MYO16: variants seen among roughly 807,000 people sequenced by gnomAD.
MYO16 encodes unconventional myosin-XVI.
A neutral mutation model predicts 205.3 loss-of-function variants in MYO16; 94 were observed. The observed-to-expected ratio is 0.46, with a 90% confidence interval of 0.39 to 0.54. The LOEUF is 0.54. MYO16 is among the 20% of genes least tolerant of loss of function. MYO16 has a pLI of 0.00. For missense variants in MYO16, 2,315 were observed against 2,387.5 expected, an observed-to-expected ratio of 0.97 and a Z score of 0.63; for synonymous variants, 988 against 954.0, an observed-to-expected ratio of 1.04 and a Z score of -0.66.
At chr13:108,927,887 C>G (rs955706426) in intron 16 of MYO16, among the ~76,000 whole-genome samples, 1 of 152,236 alleles carries the variant, frequency 6.6e-6, no homozygotes, top group African/African-American at 2.4e-5. Flanking sequence ...TGCACCTGGC[C>G]TGGAGCCTGA....
At chr13:109,108,800 G>C (rs1421939319) in intron 28 of MYO16, among the ~76,000 whole-genome samples, 1 of 152,152 alleles carries the variant, frequency 6.6e-6, no homozygotes, top group Non-Finnish European at 1.5e-5. Flanking sequence ...GTGAGAAGGA[G>C]CTGGGGACGT....
chr13:108,822,250 C>A (rs1182127604), intron 8 of MYO16, among the ~76,000 whole-genome samples: 1 of 152,124 alleles, frequency 6.6e-6, no homozygotes, highest in Non-Finnish European at 1.5e-5. Flanking sequence ...GAAAGCTGAG[C>A]ACTCACCTAC....
intron 6 of MYO16, among the ~76,000 whole-genome samples, chr13:108,797,962 T>A (rs1355187876): frequency 6.6e-6 from 1 of 152,248 alleles, no homozygotes; most frequent in Non-Finnish European, 1.5e-5. Flanking sequence ...CTTCTTTTTA[T>A]TGAACAGAGA....
intron 22 of MYO16, 73 bp from the exon 23 acceptor site, chr13:109,019,638 A>G: frequency 3.4e-6 from 4 of 1,193,122 alleles, no homozygotes; most frequent in African/African-American, 1.5e-5. Flanking sequence ...ATAAGCAAGC[A>G]TGCTTGAATA....
At chr13:108,587,464 A>G in the MYO16 span, among the ~76,000 whole-genome samples, 1 of 152,162 alleles carries the variant, frequency 6.6e-6, no homozygotes, top group African/African-American at 2.4e-5. Context: ...GCCATATGAT[A>G]TTTCACCACT....
intron 2 of MYO16, among the ~76,000 whole-genome samples, chr13:108,688,021 CTT>C (rs1444747193): frequency 2.6e-5 from 4 of 152,122 alleles, no homozygotes; most frequent in East Asian, 1.9e-4. Context: ...AGCAAAATAA[CTT>C]TGAGTATCTG....
intron 34 of MYO16, among the ~76,000 whole-genome samples, chr13:109,198,875 G>T (rs1244619496): frequency 6.6e-6 from 1 of 152,088 alleles, no homozygotes. Context: ...AGCTTGCATA[G>T]TTGGGTTCCA....
chr13:108,736,035 T>C (rs1784896999), intron 4 of MYO16, among the ~76,000 whole-genome samples: 1 of 152,166 alleles, frequency 6.6e-6, no homozygotes, highest in Non-Finnish European at 1.5e-5. Context: ...TTGTAGATCC[T>C]GGATATTAGC....
chr13:108,933,036 AG>A (rs1179321706), intron 16 of MYO16, among the ~76,000 whole-genome samples: 2 of 152,122 alleles, frequency 1.3e-5, no homozygotes, highest in African/African-American at 4.8e-5. Flanking sequence ...GAAAGGCATC[AG>A]GGGGAGCTAC....
At chr13:108,499,090 T>C in the MYO16 span, among the ~76,000 whole-genome samples, 1 of 152,244 alleles carries the variant, frequency 6.6e-6, no homozygotes, top group Non-Finnish European at 1.5e-5. Flanking sequence ...ATTCAGTCAG[T>C]GCTTTCAGAA....
chr13:108,553,108 T>A, the MYO16 span, among the ~76,000 whole-genome samples: 1 of 131,718 alleles, frequency 7.6e-6, no homozygotes, highest in Admixed American at 9.1e-5. Context: ...AACCTCTGCC[T>A]CCCAGGTTCA....
At chr13:109,168,927 C>T (rs1019317899) in intron 33 of MYO16, among the ~76,000 whole-genome samples, 12 of 152,150 alleles carry the variant, frequency 7.9e-5, no homozygotes, top group Admixed American at 2.6e-4. Context: ...TGTATGGCAT[C>T]GTGGCCATGG....
chr13:108,543,370 C>A, the MYO16 span, among the ~76,000 whole-genome samples: 1 of 152,174 alleles, frequency 6.6e-6, no homozygotes, highest in Non-Finnish European at 1.5e-5. Context: ...CCAGGCCGGG[C>A]TCAGTGGCTC....
intron 25 of MYO16, chr13:109,054,272 GA>G (rs35431107): frequency 6.4e-4 from 230 of 356,788 alleles, no homozygotes; most frequent in East Asian, 9.9e-4. Flanking sequence ...TTGCTTATTT[GA>G]AAAAAAATAG....
chr13:108,993,625 A>G (rs1884910084), intron 21 of MYO16, among the ~76,000 whole-genome samples: 2 of 152,190 alleles, frequency 1.3e-5, no homozygotes, highest in South Asian at 2.1e-4. Context: ...TATAGAGGCA[A>G]TAGATCTCTT....
chr13:108,516,728 G>A, the MYO16 span, among the ~76,000 whole-genome samples: 9 of 152,090 alleles, frequency 5.9e-5, no homozygotes, highest in African/African-American at 2.2e-4. Flanking sequence ...AAGTACACAT[G>A]TCTAAATGCT....
chr13:108,567,007 T>G, the MYO16 span, among the ~76,000 whole-genome samples: 3 of 152,148 alleles, frequency 2.0e-5, no homozygotes, highest in Admixed American at 2.0e-4. Context: ...AGATGGAGAT[T>G]TTTAAATGTC....
the MYO16 span, among the ~76,000 whole-genome samples, chr13:108,588,993 A>G: frequency 6.6e-6 from 1 of 152,150 alleles, no homozygotes; most frequent in African/African-American, 2.4e-5. Flanking sequence ...TCGGTGTTGA[A>G]TAAATGAGTA....
At chr13:109,068,723 C>T (rs1223024675) in intron 27 of MYO16, among the ~76,000 whole-genome samples, 1 of 151,988 alleles carries the variant, frequency 6.6e-6, no homozygotes, top group Non-Finnish European at 1.5e-5. Context: ...TCCGGAATAG[C>T]CGGGATTACA....
Sources: gnomAD v4.1 joint callset for allele counts (sites outside exome capture counted in the v4.1 genomes callset) on GRCh38, gnomAD v4.1.1 for gene constraint, MANE v1.5 for transcripts, NCBI Gene and HGNC (gene_info 2026-07-23, HGNC 2026-07-21) for gene names.